Variants in KIFC1 observed in about 807,000 individuals in gnomAD.
KIFC1 encodes kinesin family member C1.
Under a neutral mutation model 66.6 loss-of-function variants are expected in KIFC1, and 37 were observed. The ratio of observed to expected loss-of-function variants is 0.56; its 90% CI spans 0.43 to 0.73. KIFC1 has a LOEUF of 0.73. Ranked by LOEUF, KIFC1 falls within the 30% of genes least tolerant of loss-of-function variation. The pLI is 0.00. For missense variants in KIFC1, 721 were observed against 859.8 expected (o/e 0.84, Z 2.02); for synonymous variants, 325 against 343.5 (o/e 0.95, Z 0.60).
Position 33,405,029 on chromosome 6 carries a change from C to CGTGTATTCT in KIFC1, c.936_944dup (p.Val313_Cys315dup). ...GCTGCAGGAACTCAAGGGCAACATC[C>CGTGTATTCT]GTGTATTCTGCCGGGTCCGCCCTGT... On this transcript the variant is annotated inframe_insertion, in exon 7 of 11. Transcript: ENST00000428849. The surrounding 1 kb of genome is among the most constrained non-coding windows in gnomAD (Gnocchi z 5.4). 6.2e-7 allele frequency: 1 copy of CGTGTATTCT among 1,614,144 alleles called. No homozygotes were observed. The highest frequency in any genetic ancestry group is 8.5e-7 in the Non-Finnish European group (1 of 1,180,016).
rs1775563446 is a variant in KIFC1, at chr6:33,404,960, C to T, written c.865C>T (p.Arg289Cys). 4.3e-6 allele frequency: 7 copies of T among 1,614,004 alleles called. No individual in the cohort carries two copies. The highest frequency in any genetic ancestry group is 2.2e-5 in the East Asian group (1 of 44,864). ...AGCCTTACTGACTGAGCGGGAAGAA[C>T]GTCTTCATGGGCTAGAAATGGAGCG... Reference protein sequence around the residue: ...QAALLTEREERLHGLEMERRR... With the variant: ...QAALLTEREECLHGLEMERRR... Residue 289 changes from arginine (R) to cysteine (C), a missense_variant, in exon 7 of 11, where the codon CGT (arginine) becomes TGT (cysteine). Transcript: ENST00000428849. This position sits in a 1 kb window ranked among gnomAD's most constrained non-coding sequence, Gnocchi z 4.0.
Position 33,400,673 on chromosome 6 carries a change from G to C in KIFC1, c.250+2286G>C. On this transcript the variant is annotated intron_variant, in intron 3 of 10. Coordinates refer to ENST00000428849, the MANE Select transcript of KIFC1 (RefSeq NM_002263.4). This position sits in a 1 kb window ranked among gnomAD's most constrained non-coding sequence, Gnocchi z 4.3. ...CTCTCTCTTTTTTTTTTGAGATGGA[G>C]TCTCGCTCTGTCGCCCAGGCTGGAG... is the stretch of plus-strand genomic sequence containing the variant. The C allele has an allele frequency of 1.6e-6, 1 of 608,656 alleles. No homozygotes were observed. The highest frequency in any genetic ancestry group is 2.9e-6 in the Non-Finnish European group (1 of 343,100). 37.7% of individuals were successfully genotyped at this position (608,656 alleles called of 1,614,324 possible).
chr6:33,405,641 C>T lies in KIFC1; in HGVS notation c.1536+10C>T. On this transcript the variant is annotated intron_variant, in intron 7 of 10. Coordinates refer to ENST00000428849, the MANE Select transcript of KIFC1 (RefSeq NM_002263.4). The surrounding 1 kb of genome is among the most constrained non-coding windows in gnomAD (Gnocchi z 5.4). ...CTCCTGTGAGAAAGAAGTGAGGACC[C>T]ATGGGCACTGGAACTGGGAAATGGG... 6.7e-7 allele frequency: 1 copy of T among 1,494,268 alleles called. No individual in the cohort carries two copies. The highest frequency in any genetic ancestry group is 8.9e-7 in the Non-Finnish European group (1 of 1,126,202). 92.6% of individuals were successfully genotyped at this position (1,494,268 alleles called of 1,614,324 possible). A position where few individuals can be genotyped will look rare whatever the true frequency, so the allele number is the denominator to read the frequency against.
rs757367487 is a variant in KIFC1, at chr6:33,409,735, G to C, written c.*45G>C. ...TGTGTGTGTGTGTGTGTGTGTGTGT[G>C]TGTGTGTGTGTGTGTGTGTCCCTAT... On this transcript the variant is annotated 3_prime_UTR_variant, in exon 11 of 11. Coordinates refer to ENST00000428849, the MANE Select transcript of KIFC1 (RefSeq NM_002263.4). The C allele has an allele frequency of 2.9e-5, 40 of 1,362,056 alleles. No individual in the cohort carries two copies. Among genetic ancestry groups the C allele is most frequent in the African/African-American group, 5.7e-5 (4 of 70,746 alleles). The allele number at this position is 1,362,056 out of a possible 1,614,324, so 84.4% of individuals were successfully genotyped here.
chr6:33,409,578 A>C (rs1388256453), intron 10 of KIFC1, 68 bp from the exon 11 acceptor site: 1 of 1,460,308 alleles, frequency 6.8e-7, no homozygotes, highest in African/African-American at 1.4e-5. Flanking sequence ...GGAGGATGGG[A>C]GATCTTGGGA....
intron 1 of KIFC1, among the ~76,000 whole-genome samples, chr6:33,395,721 G>A (rs958697073): frequency 6.6e-5 from 10 of 152,096 alleles, no homozygotes; most frequent in Non-Finnish European, 1.2e-4. Flanking sequence ...GATCCACTAC[G>A]GTAGTGTAGA....
At chr6:33,397,042 T>C (rs1470380977) in intron 1 of KIFC1, among the ~76,000 whole-genome samples, 1 of 132,760 alleles carries the variant, frequency 7.5e-6, no homozygotes, top group African/African-American at 2.9e-5. Context: ...CAGGCTGGAG[T>C]GCAGTGTTGT....
In KIFC1 at chr6:33,409,778, G is replaced by A; in HGVS notation, c.*88G>A. The A allele has an allele frequency of 1.5e-6, 2 of 1,362,178 alleles. No individual in the cohort carries two copies. The highest frequency in any genetic ancestry group is 2.4e-5 in the East Asian group (1 of 42,510). The allele number at this position is 1,362,178 out of a possible 1,614,324, so 84.4% of individuals were successfully genotyped here. A position where few individuals can be genotyped will look rare whatever the true frequency, so the allele number is the denominator to read the frequency against. Reference sequence around the variant, plus strand: ...GTCCCTATGTCTATGTATCGGGTGAGGGGTGGGAGGGTTGCTGGAGGGTGC... The same window carrying A: ...GTCCCTATGTCTATGTATCGGGTGAAGGGTGGGAGGGTTGCTGGAGGGTGC... On this transcript the variant is annotated 3_prime_UTR_variant, in exon 11 of 11. Transcript: ENST00000428849.
chr6:33,399,912 C>A, intron 3 of KIFC1: 1 of 540,346 alleles, frequency 1.9e-6, no homozygotes, highest in South Asian at 2.4e-5. Flanking sequence ...AATAAATTAA[C>A]CTTAGTTTAC....
At chr6:33,396,431 C>CTT (rs1775041762) in intron 1 of KIFC1, among the ~76,000 whole-genome samples, 1 of 128,186 alleles carries the variant, frequency 7.8e-6, no homozygotes, top group African/African-American at 3.2e-5. Context: ...TCTTTCTTTT[C>CTT]TTTTCTTTTT....
chr6:33,395,185 C>G (rs540189317), intron 1 of KIFC1, among the ~76,000 whole-genome samples: 1 of 152,296 alleles, frequency 6.6e-6, no homozygotes, highest in Admixed American at 6.5e-5. Context: ...ACGATGAATA[C>G]ACTAGAGGTA....
At position 33,405,436 on chromosome 6, in the gene KIFC1, G is replaced by C. The variant is rs768491950; in HGVS notation, c.1341G>C (p.Glu447Asp). ...GGCACCTCTTCTCTGTGGCTCAGGAGCTGAGTGGTCAGGGCTGGACCTACA... is the reference window on the plus strand; with the variant it reads ...GGCACCTCTTCTCTGTGGCTCAGGACCTGAGTGGTCAGGGCTGGACCTACA... ...ALRHLFSVAQ[E>D]LSGQGWTYSF... The change falls in exon 7 of 11, where the codon GAG (glutamate) becomes GAC (aspartate). Residue 447 changes from glutamate to aspartate, a missense_variant. Physicochemically the swap from Glu to Asp is conservative, Grantham distance 45 (BLOSUM62 2). Coordinates refer to ENST00000428849, the MANE Select transcript of KIFC1 (RefSeq NM_002263.4). The surrounding 1 kb of genome is among the most constrained non-coding windows in gnomAD (Gnocchi z 5.4). 4 of 1,604,844 alleles carry C rather than the reference G, an allele frequency of 2.5e-6. No homozygotes were observed. The highest frequency in any genetic ancestry group is 3.4e-6 in the Non-Finnish European group (4 of 1,174,238).
intron 3 of KIFC1, 58 bp downstream of exon 3, chr6:33,398,445 A>G (rs1027619876): frequency 8.3e-7 from 1 of 1,206,958 alleles, no homozygotes; most frequent in African/African-American, 1.5e-5. Context: ...TCTTCAACTC[A>G]CTTGTTTCTT....
intron 3 of KIFC1, 87 bp downstream of exon 3, chr6:33,398,474 A>AT (rs9282515): frequency 0.11 from 115,459 of 1,066,440 alleles, 7,388 homozygotes; most frequent in Middle Eastern, 0.15. Flanking sequence ...ATTTTATTTT[A>AT]TTTTTTTTGA....
chr6:33,406,832 A>G lies in KIFC1; in HGVS notation c.1934A>G (p.Glu645Gly), dbSNP rs761884451. The G allele has an allele frequency of 6.2e-7, 1 of 1,614,042 alleles. No individual in the cohort carries two copies. Among genetic ancestry groups the G allele is most frequent in the African/African-American group, 1.3e-5 (1 of 74,916 alleles). Residue 645 changes from glutamate (E) to glycine (G), a missense_variant, in exon 10 of 11, where the codon GAG becomes GGG. Glu to Gly is a moderately conservative substitution (Grantham distance 98). Coordinates refer to ENST00000428849, the MANE Select transcript of KIFC1 (RefSeq NM_002263.4). The surrounding 1 kb of genome is among the most constrained non-coding windows in gnomAD (Gnocchi z 4.5). ...LMFVNISPLE[E>G]NVSESLNSLR... ...TTTGTGAACATTTCTCCACTGGAAG[A>G]GAACGTCTCCGAGTCCCTCAACTCT...
At chr6:33,393,872 G>A (rs780924514) in intron 1 of KIFC1, among the ~76,000 whole-genome samples, 3 of 150,778 alleles carry the variant, frequency 2.0e-5, no homozygotes, top group African/African-American at 7.3e-5. Flanking sequence ...TCAGCCTCCC[G>A]AGTAGCTGGG....
rs1775554688 is a variant in KIFC1, at chr6:33,404,783, G to A, written c.757-69G>A. On this transcript the variant is annotated intron_variant, in intron 6 of 10. Transcript: ENST00000428849. This position sits in a 1 kb window ranked among gnomAD's most constrained non-coding sequence, Gnocchi z 4.0. ...GACCTCACTTCCACCCACTCCATACGCCCCACAGTTTGTTCTTCTTCTTGG... is the reference window on the plus strand; with the variant it reads ...GACCTCACTTCCACCCACTCCATACACCCCACAGTTTGTTCTTCTTCTTGG... 6.2e-6 allele frequency: 9 copies of A among 1,452,854 alleles called. No homozygotes were observed. Among genetic ancestry groups the A allele is most frequent in the African/African-American group, 1.4e-5 (1 of 70,464 alleles). The allele number at this position is 1,452,854 out of a possible 1,614,324, so 90.0% of individuals were successfully genotyped here. A position where few individuals can be genotyped will look rare whatever the true frequency, so the allele number is the denominator to read the frequency against.
Position 33,404,680 on chromosome 6 carries a change from A to G in KIFC1, c.757-172A>G, listed in dbSNP as rs1036674854. On this transcript the variant is annotated intron_variant, in intron 6 of 10. Coordinates refer to ENST00000428849, the MANE Select transcript of KIFC1 (RefSeq NM_002263.4). The surrounding 1 kb of genome is among the most constrained non-coding windows in gnomAD (Gnocchi z 4.0). Reference sequence around the variant, plus strand: ...CTTTGTGCTTGGACATACCCATAGCACTCCCTGTCTTAGTACCATGATTCC... The same window carrying G: ...CTTTGTGCTTGGACATACCCATAGCGCTCCCTGTCTTAGTACCATGATTCC... 6.6e-6 allele frequency among the ~76,000 whole-genome samples: 1 copy of G among 150,780 alleles called. No individual in the cohort carries two copies. The highest frequency in any genetic ancestry group is 1.5e-5 in the Non-Finnish European group (1 of 67,752).
rs1455298738 is a variant in KIFC1 at position 33,401,104 on chromosome 6, C to CT, written c.251-2209dup. On this transcript the variant is annotated intron_variant, in intron 3 of 10. Transcript: ENST00000428849. This position sits in a 1 kb window ranked among gnomAD's most constrained non-coding sequence, Gnocchi z 4.5. ...CATATATTCAGGGCAATATGAATCT[C>CT]TGTCTCCTGGCTTGAAAATAAAATT... Among the ~76,000 whole-genome samples, 1 of 152,114 alleles carries CT rather than the reference C, an allele frequency of 6.6e-6. No homozygotes were observed. The highest frequency in any genetic ancestry group is 2.4e-5 in the African/African-American group (1 of 41,420).
Sources: gnomAD v4.1 joint callset for allele counts (sites outside exome capture counted in the v4.1 genomes callset) on GRCh38, gnomAD v4.1.1 for gene constraint, Gnocchi (gnomAD v3.1) non-coding constraint, MANE v1.5 for transcripts, NCBI Gene and HGNC (gene_info 2026-07-23, HGNC 2026-07-21) for gene names.